CLEC4A: variants seen among roughly 807,000 people sequenced by gnomAD.
CLEC4A encodes C-type lectin domain family 4 member A, also known as C-type (calcium dependent, carbohydrate-recognition domain) lectin, superfamily member 6.
Under a neutral mutation model 32.7 loss-of-function variants are expected in CLEC4A, and 27 were observed. The observed-to-expected ratio is 0.83, with a 90% CI of 0.61 to 1.14. The LOEUF is 1.14. CLEC4A is among the 50% of genes most tolerant of loss of function. The probability of loss-of-function intolerance (pLI) is 0.00; values close to 1 mark genes in which losing one functional copy is unlikely to be tolerated. For missense variants in CLEC4A, 253 were observed against 274.6 expected (o/e 0.92, Z 0.55); for synonymous variants, 89 against 93.7 (o/e 0.95, Z 0.29).
At position 8,127,727 on chromosome 12, in the gene CLEC4A, A is replaced by G. The variant is rs370083902; in HGVS notation, c.200-1537A>G. On this transcript the variant is annotated intron_variant, in intron 2 of 5. Coordinates refer to ENST00000229332, the MANE Select transcript of CLEC4A (RefSeq NM_016184.4). ...TTAGCGAAAAAAGAGAAGATGAAGT[A>G]ATTTTGAATGATAAAGGAGGTAGAG... 1.1e-4 allele frequency among the ~76,000 whole-genome samples: 17 copies of G among 152,340 alleles called. No homozygotes were observed. In the South Asian group the frequency reaches 2.5e-3, roughly 22 times the overall value.
rs1280969876 is a variant in CLEC4A, at chr12:8,134,501, G to A, written c.299-1084G>A. 7 of 1,613,928 alleles carry A rather than the reference G, an allele frequency of 4.3e-6. No individual in the cohort carries two copies. In the East Asian group the frequency reaches 1.3e-4, roughly 31 times the overall value. ...TCTCCAGCTTCACGGCACCAGAGGGGACGGTGCAGGGCTCCGGGGAGGCCC... is the reference window on the plus strand; with the variant it reads ...TCTCCAGCTTCACGGCACCAGAGGGAACGGTGCAGGGCTCCGGGGAGGCCC... On this transcript the variant is annotated intron_variant, in intron 3 of 5. Transcript: ENST00000229332.
intron 3 of CLEC4A, among the ~76,000 whole-genome samples, chr12:8,132,171 C>T (rs988973695): frequency 3.3e-5 from 5 of 152,154 alleles, no homozygotes; most frequent in African/African-American, 1.2e-4. Flanking sequence ...CATATCACCA[C>T]GTGTTTTTTC....
At chr12:8,137,674 T>G (rs2120648501) in intron 5 of CLEC4A, among the ~76,000 whole-genome samples, 1 of 152,236 alleles carries the variant, frequency 6.6e-6, no homozygotes, top group African/African-American at 2.4e-5. Flanking sequence ...AAACTGAGAA[T>G]CAGGGAAGTT....
rs375140919 is a variant in CLEC4A at position 8,138,199 on chromosome 12, G to A, written c.626G>A (p.Arg209His). 52 of 1,614,110 alleles carry A rather than the reference G, an allele frequency of 3.2e-5. No individual in the cohort carries two copies. The highest frequency in any genetic ancestry group is 3.8e-5 in the Non-Finnish European group (45 of 1,180,018). The change falls in exon 6 of 6, where the codon CGT (arginine) becomes CAT (histidine). Residue 209 changes from arginine (R) to histidine (H), a missense_variant. Physicochemically the swap from Arg to His is conservative, Grantham distance 29. Transcript: ENST00000229332. ...PNERCVVLNF[R>H]KSPKRWGWND... The stretch of plus-strand genomic sequence containing the variant: ...GAGCGCTGCGTTGTGCTAAATTTTC[G>A]TAAATCACCCAAAAGATGGGGCTGG...
intron 2 of CLEC4A, among the ~76,000 whole-genome samples, chr12:8,126,662 G>A (rs772091834): frequency 6.6e-6 from 1 of 152,232 alleles, no homozygotes; most frequent in Admixed American, 6.5e-5. Context: ...CACAGCCCCT[G>A]GTCTCAAGAA....
chr12:8,134,993 T>TTTTTTTTTTTTTTTTG (rs1948080630), intron 3 of CLEC4A: 1 of 241,536 alleles, frequency 4.1e-6, no homozygotes, highest in African/African-American at 2.5e-5. Context: ...TTTGTTTTTT[T>TTTTTTTTTTTTTTTTG]TTAATCATGG....
At chr12:8,112,130 G>A in the CLEC4A span, among the ~76,000 whole-genome samples, 4 of 151,986 alleles carry the variant, frequency 2.6e-5, no homozygotes, top group Non-Finnish European at 2.9e-5. Flanking sequence ...CACCATGCCC[G>A]TCTAATTTTG....
the CLEC4A span, among the ~76,000 whole-genome samples, chr12:8,110,864 A>G: frequency 2.7e-5 from 4 of 150,292 alleles, no homozygotes; most frequent in African/African-American, 9.8e-5. Context: ...TTTTGTGTGC[A>G]TCTTTCTAGA....
chr12:8,115,181 A>G, the CLEC4A span, among the ~76,000 whole-genome samples: 1 of 152,204 alleles, frequency 6.6e-6, no homozygotes, highest in Admixed American at 6.5e-5. Context: ...TCTGGCAAAT[A>G]TGTTTGAACA....
At chr12:8,116,239 G>A in the CLEC4A span, among the ~76,000 whole-genome samples, 1 of 152,066 alleles carries the variant, frequency 6.6e-6, no homozygotes, top group Admixed American at 6.6e-5. Context: ...TAGGATTACA[G>A]GTGTGAGCCA....
the CLEC4A span, among the ~76,000 whole-genome samples, chr12:8,116,226 T>TGTGAGGATTACAG: frequency 6.6e-6 from 1 of 152,092 alleles, no homozygotes; most frequent in East Asian, 1.9e-4. Context: ...CCTCCCAGAG[T>TGTGAGGATTACAG]GCTAGGATTA....
chr12:8,136,745 C>A (rs776714056), intron 4 of CLEC4A, 43 bp from the exon 5 acceptor site: 2 of 1,235,688 alleles, frequency 1.6e-6, no homozygotes, highest in South Asian at 1.2e-5. Flanking sequence ...TCAGTTTAAG[C>A]TGAATACTGT....
intron 3 of CLEC4A, among the ~76,000 whole-genome samples, chr12:8,131,301 G>A (rs1947991783): frequency 6.6e-6 from 1 of 152,202 alleles, no homozygotes; most frequent in African/African-American, 2.4e-5. Flanking sequence ...GGAAGGTTCA[G>A]TCCACACTTA....
chr12:8,125,657 C>A lies in CLEC4A; in HGVS notation c.179C>A (p.Ser60Ter). ...LLIFFLLLAI[S>*]FFIAFVIFFQ... is the part of the protein sequence containing the mutation. ...ATATTTTTCCTGCTATTGGCAATCT[C>A]ATTCTTTATTGCTTTTGTCAGTAAG... Residue 60 changes from serine to a stop codon, truncating the protein, a stop_gained, in exon 2 of 6, where the codon TCA (serine) becomes TAA (stop). Transcript: ENST00000229332. LOFTEE classifies it high-confidence loss of function. 2.5e-6 allele frequency: 4 copies of A among 1,607,146 alleles called. No individual in the cohort carries two copies. The highest frequency in any genetic ancestry group is 3.4e-6 in the Non-Finnish European group (4 of 1,173,724).
the CLEC4A span, among the ~76,000 whole-genome samples, chr12:8,116,402 G>A: frequency 6.6e-6 from 1 of 152,110 alleles, no homozygotes; most frequent in Admixed American, 6.5e-5. Context: ...GTACCTGGCC[G>A]TTAATAGGTA....
chr12:8,137,119 G>C (rs1948135312), intron 5 of CLEC4A, among the ~76,000 whole-genome samples: 1 of 152,164 alleles, frequency 6.6e-6, no homozygotes, highest in Middle Eastern at 3.2e-3. Context: ...AATTGAGCTT[G>C]GAGAGTGTAG....
At chr12:8,120,770 A>T (rs1374458227), upstream of CLEC4A, 2 of 152,188 alleles carry the variant, frequency 1.3e-5, no homozygotes, top group Non-Finnish European at 1.5e-5. Flanking sequence ...TCTCTTGGAT[A>T]AATAATTTAA....
At chr12:8,114,263 G>C in the CLEC4A span, among the ~76,000 whole-genome samples, 4 of 150,816 alleles carry the variant, frequency 2.7e-5, no homozygotes, top group Non-Finnish European at 5.9e-5. Context: ...TTTTTTTTCT[G>C]AGATGGAGTC....
chr12:8,105,527 T>C, the CLEC4A span, among the ~76,000 whole-genome samples: 2 of 152,170 alleles, frequency 1.3e-5, no homozygotes, highest in African/African-American at 4.8e-5. Context: ...GTTTTTTGTA[T>C]TTTTAGTAGA....
Sources: gnomAD v4.1 joint callset for allele counts (sites outside exome capture counted in the v4.1 genomes callset) on GRCh38, gnomAD v4.1.1 for gene constraint, MANE v1.5 for transcripts, NCBI Gene and HGNC (gene_info 2026-07-23, HGNC 2026-07-21) for gene names.